ABCC10: variants seen among roughly 807,000 people sequenced by gnomAD.
ABCC10 encodes ATP binding cassette subfamily C member 10.
A neutral mutation model predicts 143.2 loss-of-function variants in ABCC10; 110 were observed. That is an observed-to-expected ratio of 0.77 (90% CI 0.66 to 0.90). The LOEUF (loss-of-function observed/expected upper bound fraction) is 0.90, where lower values mean the gene tolerates loss of function less well. ABCC10 is among the 40% of genes least tolerant of loss of function. The pLI, the probability that ABCC10 is intolerant of heterozygous loss-of-function variation, is 0.00. For synonymous variants in ABCC10, 805 were observed against 846.7 expected (o/e 0.95, Z 0.85); for missense variants, 1,700 against 1,900.5 (o/e 0.89, Z 1.96).
chr6:43,437,455 AAAG>A (rs1781866603), intron 6 of ABCC10, among the ~76,000 whole-genome samples: 3 of 150,688 alleles, frequency 2.0e-5, no homozygotes, highest in African/African-American at 7.3e-5. Flanking sequence ...AAAAAAAAAA[AAAG>A]GTAAACAGAA....
rs1357182138 is a variant in ABCC10 at position 43,435,795 on chromosome 6, C to A, written c.1653C>A (p.Leu551=). ...LALVRMLILP[L]NNFPWVINGL... ...TGGTGCGAATGCTCATTCTTCCTCT[C>A]AACAACTTCCCTTGGGTGATCAATG... The change falls in exon 5 of 22, where the codon CTC becomes CTA. Residue 551 remains leucine, a synonymous_variant. Transcript: ENST00000372530. 2 of 1,614,190 alleles carry A rather than the reference C, an allele frequency of 1.2e-6. No individual in the cohort carries two copies. Among genetic ancestry groups the A allele is most frequent in the Non-Finnish European group, 1.7e-6 (2 of 1,180,032 alleles).
rs1378232229 is a variant in ABCC10, at chr6:43,427,635, T to C, written c.-134T>C. On this transcript the variant is annotated 5_prime_UTR_variant, in exon 1 of 22. Coordinates refer to ENST00000372530, the MANE Select transcript of ABCC10 (RefSeq NM_001198934.2). ...GCCCAGCACCCCGGCCGGGCAGTAC[T>C]TTTTTTTTTTTTGCATACACCAGTT... is the stretch of plus-strand genomic sequence containing the variant. The C allele has an allele frequency of 3.4e-4, 51 of 151,082 alleles. No homozygotes were observed. Among genetic ancestry groups the C allele is most frequent in the Non-Finnish European group, 5.6e-4 (39 of 69,622 alleles). The allele number at this position is 151,082 out of a possible 1,614,324, so 9.4% of individuals were successfully genotyped here.
At position 43,427,759 on chromosome 6, in the gene ABCC10, TG is replaced by T; in HGVS notation, c.-12+5del. ...GGGAGGGGAAAAACAGATGGCAAGG[TG>T]GGTGACCAGCGTCCAGAAATCCACT... On this transcript the variant is annotated splice_donor_region_variant and intron_variant, in intron 1 of 21. Transcript: ENST00000372530. 1 of 607,472 alleles carries T rather than the reference TG, an allele frequency of 1.6e-6. No individual in the cohort carries two copies. The highest frequency in any genetic ancestry group is 2.9e-6 in the Non-Finnish European group (1 of 339,762). The allele number at this position is 607,472 out of a possible 1,614,324, so 37.6% of individuals were successfully genotyped here.
intron 14 of ABCC10, 51 bp from the exon 15 acceptor site, chr6:43,445,548 A>C: frequency 6.4e-7 from 1 of 1,564,442 alleles, no homozygotes; most frequent in Non-Finnish European, 8.7e-7. Flanking sequence ...CTGCCTGCCA[A>C]CCCCTCTTCT....
At chr6:43,431,042 T>C (rs914600744) in intron 2 of ABCC10, among the ~76,000 whole-genome samples, 1 of 152,184 alleles carries the variant, frequency 6.6e-6, no homozygotes, top group Non-Finnish European at 1.5e-5. Flanking sequence ...TGATTCTTAA[T>C]GCAGACAGAT....
chr6:43,448,153 C>A, intron 18 of ABCC10: 1 of 747,184 alleles, frequency 1.3e-6, no homozygotes, highest in Non-Finnish European at 2.3e-6. Flanking sequence ...CGCCCTGACC[C>A]AGGCCACCTT....
chr6:43,444,423 AATC>A, intron 12 of ABCC10, 70 bp downstream of exon 12: 2 of 1,479,696 alleles, frequency 1.4e-6, no homozygotes, highest in African/African-American at 1.4e-5. Flanking sequence ...ACCTTGCACT[AATC>A]ATTACAAAGC....
intron 9 of ABCC10, among the ~76,000 whole-genome samples, chr6:43,442,555 G>C (rs1401906607): frequency 1.3e-5 from 2 of 151,886 alleles, no homozygotes. Context: ...TGGGTGATGA[G>C]AATGAAACCC....
chr6:43,441,741 T>C (rs758995342), intron 8 of ABCC10, 121 bp from the exon 9 acceptor site: 16 of 702,590 alleles, frequency 2.3e-5, no homozygotes, highest in Admixed American at 1.1e-4. Context: ...ACCCCAAATT[T>C]AAGTCTACTC....
Position 43,438,025 on chromosome 6 carries a change from C to G in ABCC10, c.1955+12C>G, listed in dbSNP as rs767201517. The G allele has an allele frequency of 1.2e-6, 2 of 1,608,832 alleles. No homozygotes were observed. The highest frequency in any genetic ancestry group is 8.5e-7 in the Non-Finnish European group (1 of 1,177,512). ...GGAGAGCTCCACAGGTAACCAACCT[C>G]CTATGCACCCCTGTCCTTACTTTGT... On this transcript the variant is annotated intron_variant, in intron 7 of 21. Transcript: ENST00000372530.
chr6:43,431,794 AT>A (rs1040963016), intron 2 of ABCC10: 676 of 1,088,390 alleles, frequency 6.2e-4, no homozygotes, highest in East Asian at 2.4e-3. Flanking sequence ...AGTACCCAGG[AT>A]TTTTTTTTTC....
rs1297419808 is a variant in ABCC10 at position 43,447,789 on chromosome 6, C to T, written c.3811C>T (p.Gln1271Ter). The change falls in exon 18 of 22, where the codon CAG becomes TAG. Residue 1271 changes from glutamine (Q) to a stop codon, truncating the protein, a stop_gained. Coordinates refer to ENST00000372530, the MANE Select transcript of ABCC10 (RefSeq NM_001198934.2). LOFTEE classifies it high-confidence loss of function. ...NALDGVTFCV[Q>*]PGEKLGIVGR... The stretch of plus-strand genomic sequence containing the variant: ...CCTGGATGGAGTGACCTTCTGCGTG[C>T]AGCCTGGAGAGAAGTTGGGCATCGT... The T allele has an allele frequency of 2.5e-6, 4 of 1,613,632 alleles. No homozygotes were observed. Among genetic ancestry groups the T allele is most frequent in the South Asian group, 1.1e-5 (1 of 91,092 alleles).
chr6:43,436,008 C>G, intron 5 of ABCC10, 101 bp downstream of exon 5: 1 of 1,596,280 alleles, frequency 6.3e-7, no homozygotes, highest in South Asian at 1.1e-5. Context: ...TTAGAGAGAG[C>G]GGAATCCAAA....
Position 43,435,999 on chromosome 6 carries a change from TAGAG to T in ABCC10, c.1765+97_1765+100del, listed in dbSNP as rs774920220. ...GCGCATAGATGTCACCAAGAGGGCT[TAGAG>T]AGAGCGGAATCCAAAACAGACTCAT... is the stretch of plus-strand genomic sequence containing the variant. On this transcript the variant is annotated intron_variant, in intron 5 of 21. Transcript: ENST00000372530. The T allele has an allele frequency of 3.9e-4, 621 of 1,599,270 alleles. 1 individual carries two copies. Among genetic ancestry groups the T allele is most frequent in the Non-Finnish European group, 5.0e-4 (586 of 1,170,120 alleles).
chr6:43,432,834 A>G lies in ABCC10; in HGVS notation c.854A>G (p.Tyr285Cys), dbSNP rs759559074. Residue 285 changes from tyrosine to cysteine, a missense_variant, in exon 3 of 22, where the codon TAT (tyrosine) becomes TGT (cysteine). Transcript: ENST00000372530. ...TTGTATGGGGCCTTTGGACGGTGCT[A>G]TCTGGCACTTGGACTGCTGAAGCTG... is the stretch of plus-strand genomic sequence containing the variant. ...RALYGAFGRC[Y>C]LALGLLKLVG... The G allele has an allele frequency of 8.7e-6, 14 of 1,614,082 alleles. No individual in the cohort carries two copies. The highest frequency in any genetic ancestry group is 1.0e-5 in the Non-Finnish European group (12 of 1,180,012).
chr6:43,429,858 T>C (rs1196541067), intron 2 of ABCC10, among the ~76,000 whole-genome samples: 1 of 152,152 alleles, frequency 6.6e-6, no homozygotes, highest in East Asian at 1.9e-4. Flanking sequence ...TTGAATCGCT[T>C]GAACCCAGGA....
intron 3 of ABCC10, among the ~76,000 whole-genome samples, chr6:43,433,819 C>T (rs577086477): frequency 2.4e-4 from 36 of 152,334 alleles, no homozygotes; most frequent in African/African-American, 7.7e-4. Flanking sequence ...AGGAGAACCT[C>T]AGCTGCCTCT....
In ABCC10 at chr6:43,427,658, G is replaced by C. The variant is rs17287914; in HGVS notation, c.-111G>C. 2,344 of 453,718 alleles carry C rather than the reference G, an allele frequency of 5.2e-3. 17 individuals carry two copies. Among genetic ancestry groups the C allele is most frequent in the Non-Finnish European group, 7.4e-3 (1,799 of 244,558 alleles). 28.1% of individuals were successfully genotyped at this position (453,718 alleles called of 1,614,324 possible). On this transcript the variant is annotated 5_prime_UTR_variant, in exon 1 of 22. Transcript: ENST00000372530. ...ACTTTTTTTTTTTTTGCATACACCA[G>C]TTCTCAGGATATCGGAATCCGGTGC...
At position 43,443,001 on chromosome 6, in the gene ABCC10, T is replaced by A; in HGVS notation, c.2258T>A (p.Leu753Gln). 2 of 1,607,450 alleles carry A rather than the reference T, an allele frequency of 1.2e-6. No homozygotes were observed. The highest frequency in any genetic ancestry group is 2.2e-5 in the South Asian group (2 of 90,070). The part of the protein sequence containing the change: ...EKELYLLDDP[L>Q]AAVDADVANH... ...GAGCTCTATCTCCTCGATGACCCTCTGGCCGCTGTGGATGCAGATGTGGCC... is the reference window on the plus strand; with the variant it reads ...GAGCTCTATCTCCTCGATGACCCTCAGGCCGCTGTGGATGCAGATGTGGCC... The change falls in exon 10 of 22, where the codon CTG becomes CAG. Residue 753 changes from leucine to glutamine, a missense_variant. Coordinates refer to ENST00000372530, the MANE Select transcript of ABCC10 (RefSeq NM_001198934.2). This position sits in a 1 kb window ranked among gnomAD's most constrained non-coding sequence, Gnocchi z 4.2.
Sources: gnomAD v4.1 joint callset for allele counts (sites outside exome capture counted in the v4.1 genomes callset) on GRCh38, gnomAD v4.1.1 for gene constraint, Gnocchi (gnomAD v3.1) non-coding constraint, MANE v1.5 for transcripts, NCBI Gene and HGNC (gene_info 2026-07-23, HGNC 2026-07-21) for gene names.